The following NDUFAF2 variants were observed in gnomAD, a reference collection of about 807,000 sequenced individuals.
NDUFAF2 encodes the protein NADH dehydrogenase [ubiquinone] 1 alpha subcomplex assembly factor 2.
Under a neutral mutation model 22.8 loss-of-function variants are expected in NDUFAF2, and 13 were observed. That is an observed-to-expected ratio of 0.57 (90% CI 0.37 to 0.91). NDUFAF2 has a LOEUF of 0.91. Among genes scored for constraint, NDUFAF2 ranks in the 40% least tolerant of loss-of-function variants. NDUFAF2 has a pLI of 0.01. For synonymous variants in NDUFAF2, 53 were observed against 64.2 expected, an observed-to-expected ratio of 0.83 and a Z score of 0.84; for missense variants, 162 against 195.2, an observed-to-expected ratio of 0.83 and a Z score of 1.01.
At chr5:61,128,763 A>C (rs574571730) in intron 3 of NDUFAF2, among the ~76,000 whole-genome samples, 7 of 152,178 alleles carry the variant, frequency 4.6e-5, no homozygotes, top group South Asian at 2.1e-4. Context: ...TCTAAAACAC[A>C]AAAAGCAATG....
chr5:61,129,056 C>G (rs1057226748), intron 3 of NDUFAF2, among the ~76,000 whole-genome samples: 5 of 152,226 alleles, frequency 3.3e-5, no homozygotes, highest in African/African-American at 7.2e-5. Context: ...TGCTCATCAT[C>G]ACTGGCCATC....
chr5:61,043,697 G>A (rs1042605916), intron 1 of NDUFAF2, among the ~76,000 whole-genome samples: 30 of 147,246 alleles, frequency 2.0e-4, no homozygotes, highest in Non-Finnish European at 3.9e-4. Context: ...GTGTGTGTGT[G>A]TGTGTATGTG....
chr5:61,035,424 GTTTTTT>G (rs768889484), intron 1 of NDUFAF2, among the ~76,000 whole-genome samples: 4 of 40,544 alleles, frequency 9.9e-5, no homozygotes, highest in Non-Finnish European at 1.4e-4. Context: ...CTCTTGCTCT[GTTTTTT>G]TTTTTTTTTT....
At chr5:61,054,719 A>G (rs1752065710) in intron 1 of NDUFAF2, among the ~76,000 whole-genome samples, 1 of 152,212 alleles carries the variant, frequency 6.6e-6, no homozygotes, top group Non-Finnish European at 1.5e-5. Flanking sequence ...CACAGGTAGG[A>G]ACTTATAGGC....
chr5:61,095,835 G>T (rs1366286327), intron 2 of NDUFAF2, among the ~76,000 whole-genome samples: 1 of 152,150 alleles, frequency 6.6e-6, no homozygotes, highest in Non-Finnish European at 1.5e-5. Flanking sequence ...GGGCTGTTGT[G>T]CTGTCTTGCT....
At chr5:61,138,256 G>C (rs1740993173) in intron 3 of NDUFAF2, among the ~76,000 whole-genome samples, 1 of 92,170 alleles carries the variant, frequency 1.1e-5, no homozygotes, top group African/African-American at 4.1e-5. Flanking sequence ...AGAGGACCAA[G>C]GAGACTTATT....
At chr5:61,000,394 G>A (rs1751281088) in intron 1 of NDUFAF2, among the ~76,000 whole-genome samples, 1 of 152,140 alleles carries the variant, frequency 6.6e-6, no homozygotes, top group Non-Finnish European at 1.5e-5. Context: ...TGTTTGTTCA[G>A]AGGTTACCTT....
chr5:61,135,023 T>TA (rs1259668587), intron 3 of NDUFAF2, among the ~76,000 whole-genome samples: 1 of 151,282 alleles, frequency 6.6e-6, no homozygotes, highest in Admixed American at 6.6e-5. Flanking sequence ...ATATTTAAAA[T>TA]AAATATATTA....
intron 3 of NDUFAF2, among the ~76,000 whole-genome samples, chr5:61,118,783 ACTG>A (rs1158934248): frequency 6.6e-6 from 1 of 152,216 alleles, no homozygotes; most frequent in African/African-American, 2.4e-5. Flanking sequence ...AAGAAAAAAC[ACTG>A]CTACTATTAT....
chr5:61,088,757 A>G (rs1162200503), intron 2 of NDUFAF2, among the ~76,000 whole-genome samples: 2 of 152,142 alleles, frequency 1.3e-5, no homozygotes, highest in Non-Finnish European at 2.9e-5. Flanking sequence ...AAGGATTTTC[A>G]CAGTAAAAAC....
chr5:61,001,091 G>C (rs1014701406), intron 1 of NDUFAF2, among the ~76,000 whole-genome samples: 1 of 152,000 alleles, frequency 6.6e-6, no homozygotes, highest in Non-Finnish European at 1.5e-5. Context: ...ATTCCTGAAG[G>C]TTCTATTCTT....
chr5:61,075,837 A>G (rs963821605), intron 2 of NDUFAF2, among the ~76,000 whole-genome samples: 5 of 152,156 alleles, frequency 3.3e-5, no homozygotes, highest in Non-Finnish European at 7.4e-5. Flanking sequence ...GTATTTGTCA[A>G]TTTTACTGGG....
intron 3 of NDUFAF2, among the ~76,000 whole-genome samples, chr5:61,148,831 C>A (rs901234660): frequency 6.6e-6 from 1 of 152,108 alleles, no homozygotes; most frequent in African/African-American, 2.4e-5. Flanking sequence ...AAACAAGATT[C>A]AATTTTTAAA....
At chr5:61,097,230 AT>A (rs1752655454) in intron 2 of NDUFAF2, among the ~76,000 whole-genome samples, 2 of 149,648 alleles carry the variant, frequency 1.3e-5, no homozygotes, top group African/African-American at 4.9e-5. Context: ...CAGTGAGGTT[AT>A]GTCCCAATAA....
intron 1 of NDUFAF2, among the ~76,000 whole-genome samples, chr5:61,046,550 T>C (rs1037075843): frequency 4.6e-5 from 7 of 152,150 alleles, no homozygotes; most frequent in African/African-American, 1.4e-4. Flanking sequence ...TATTTAACCA[T>C]AGTCTTAATA....
At chr5:61,146,017 A>C (rs1741132532) in intron 3 of NDUFAF2, 1 of 152,226 alleles carries the variant, frequency 6.6e-6, no homozygotes, top group Non-Finnish European at 1.5e-5. Context: ...GGGAGCCAAG[A>C]CAGTGGTATA....
At chr5:60,955,701 A>G (rs894988128) in intron 1 of NDUFAF2, among the ~76,000 whole-genome samples, 1 of 152,152 alleles carries the variant, frequency 6.6e-6, no homozygotes, top group Non-Finnish European at 1.5e-5. Context: ...CAGTCCATGA[A>G]CATATCAGAT....
chr5:60,958,860 A>C (rs970104289), intron 1 of NDUFAF2, among the ~76,000 whole-genome samples: 1 of 152,096 alleles, frequency 6.6e-6, no homozygotes. Context: ...GTATCTTTTC[A>C]TAATGTCACG....
intron 1 of NDUFAF2, among the ~76,000 whole-genome samples, chr5:61,016,514 A>G (rs1316245898): frequency 2.6e-5 from 4 of 152,202 alleles, no homozygotes; most frequent in Admixed American, 2.0e-4. Flanking sequence ...AAACTATGAG[A>G]TAACTGTCAA....
Sources: allele counts gnomAD v4.1 joint callset (sites outside exome capture counted in the v4.1 genomes callset), GRCh38; gene constraint gnomAD v4.1.1; transcripts MANE v1.5; gene names NCBI Gene and HGNC (gene_info 2026-07-23, HGNC 2026-07-21).